UIMC1: variants seen among roughly 807,000 people sequenced by gnomAD.
UIMC1 encodes ubiquitin interaction motif containing 1, also known as BRCA1-A complex subunit RAP80.
A neutral mutation model predicts 84.9 loss-of-function variants in UIMC1; 42 were observed. The ratio of observed to expected loss-of-function variants is 0.49; its 90% CI spans 0.39 to 0.64. The LOEUF (loss-of-function observed/expected upper bound fraction) is 0.64. Ranked by LOEUF, UIMC1 falls within the 30% of genes least tolerant of loss-of-function variation. The probability of loss-of-function intolerance (pLI) is 0.00; values close to 1 mark genes in which losing one functional copy is unlikely to be tolerated. For missense variants in UIMC1, 825 were observed against 847.6 expected (o/e 0.97, Z 0.33); for synonymous variants, 281 against 293.0 (o/e 0.96, Z 0.42).
intron 2 of UIMC1, chr5:176,980,424 A>G (rs1048345684): frequency 2.6e-5 from 4 of 152,184 alleles, no homozygotes; most frequent in African/African-American, 9.7e-5. Context: ...AAAGCAAAAC[A>G]GTTTCCACAG....
At chr5:176,991,572 G>A (rs1772833737) in intron 1 of UIMC1, among the ~76,000 whole-genome samples, 1 of 145,078 alleles carries the variant, frequency 6.9e-6, no homozygotes, top group African/African-American at 2.6e-5. Context: ...TACAAAATTA[G>A]CCAGGCATGG....
At chr5:176,976,405 T>C (rs1770079400) in intron 2 of UIMC1, among the ~76,000 whole-genome samples, 1 of 152,110 alleles carries the variant, frequency 6.6e-6, no homozygotes, top group South Asian at 2.1e-4. Flanking sequence ...AAGAAGTACA[T>C]GAAAAGATGC....
At chr5:176,930,608 A>G (rs1340758237) in intron 10 of UIMC1, among the ~76,000 whole-genome samples, 2 of 152,274 alleles carry the variant, frequency 1.3e-5, no homozygotes, top group Non-Finnish European at 2.9e-5. Context: ...AATGTTAAGC[A>G]TGGCTTATAA....
At chr5:176,970,115 A>T (rs1481940043) in intron 4 of UIMC1, 1 of 174,294 alleles carries the variant, frequency 5.7e-6, no homozygotes, top group Non-Finnish European at 1.2e-5. Context: ...TACTGAAAAT[A>T]CAAAAAATTA....
At chr5:176,957,979 A>T in intron 7 of UIMC1, 114 bp downstream of exon 7, 1 of 887,802 alleles carries the variant, frequency 1.1e-6, no homozygotes, top group Admixed American at 2.6e-5. Flanking sequence ...TTCACTTATA[A>T]AAGAGCTAAA....
chr5:176,974,913 G>A (rs989356568), intron 3 of UIMC1, among the ~76,000 whole-genome samples: 4 of 152,116 alleles, frequency 2.6e-5, no homozygotes, highest in African/African-American at 9.7e-5. Context: ...CCCAACACTG[G>A]GAGGCCCAAG....
chr5:176,911,330 T>C lies in UIMC1; in HGVS notation c.1657A>G (p.Thr553Ala). The change falls in exon 11 of 15, where the codon ACT becomes GCT. Residue 553 changes from threonine (T) to alanine (A), a missense_variant. By Grantham distance (58) the Thr-to-Ala change is moderately conservative. Coordinates refer to ENST00000511320, the MANE Select transcript of UIMC1 (RefSeq NM_001199298.2). ...TKSDSGTAAQTSLDIDKNEKC... is the reference protein window; with the variant it reads ...TKSDSGTAAQASLDIDKNEKC... ...ACTTACTTGTCAATGTCTAGAGAAG[T>C]CTGGGCAGCTGTCCCACTGTCACTC... 6.3e-7 allele frequency: 1 copy of C among 1,599,508 alleles called. No homozygotes were observed. Among genetic ancestry groups the C allele is most frequent in the South Asian group, 1.1e-5 (1 of 88,262 alleles).
chr5:176,999,982 G>A (rs1451422582), intron 1 of UIMC1, among the ~76,000 whole-genome samples: 1 of 151,972 alleles, frequency 6.6e-6, no homozygotes, highest in Non-Finnish European at 1.5e-5. Context: ...TTTTTGGGAT[G>A]GAGTCTCGCT....
chr5:176,972,528 G>C (rs559677460), intron 3 of UIMC1, among the ~76,000 whole-genome samples: 1 of 152,142 alleles, frequency 6.6e-6, no homozygotes, highest in Non-Finnish European at 1.5e-5. Flanking sequence ...CTGAGGTCAG[G>C]AGTTTGAGAC....
intron 9 of UIMC1, among the ~76,000 whole-genome samples, chr5:176,950,915 A>G (rs1467604475): frequency 6.6e-6 from 1 of 152,086 alleles, no homozygotes; most frequent in Non-Finnish European, 1.5e-5. Context: ...CGAGAATCTT[A>G]ATCAGAAGTA....
chr5:176,905,714 A>G (rs1406293616), intron 14 of UIMC1: 2 of 641,454 alleles, frequency 3.1e-6, no homozygotes. Flanking sequence ...ACTGAGATCC[A>G]AATTCCCAAG....
chr5:176,999,296 G>T (rs553206029), intron 1 of UIMC1, among the ~76,000 whole-genome samples: 41 of 152,150 alleles, frequency 2.7e-4, no homozygotes, highest in Admixed American at 2.1e-3. Context: ...TGGGTACATA[G>T]GTGCATATAT....
chr5:176,952,959 A>G (rs1205537622), intron 8 of UIMC1, among the ~76,000 whole-genome samples: 3 of 152,240 alleles, frequency 2.0e-5, no homozygotes, highest in Non-Finnish European at 2.9e-5. Flanking sequence ...GTATGTTGAA[A>G]TCCCAACCCC....
intron 10 of UIMC1, among the ~76,000 whole-genome samples, chr5:176,913,775 G>A (rs924325506): frequency 3.3e-5 from 5 of 152,326 alleles, no homozygotes; most frequent in East Asian, 1.9e-4. Flanking sequence ...CCAGGAGTTC[G>A]AGAACAGCCT....
At position 176,974,820 on chromosome 5, in the gene UIMC1, A is replaced by T. The variant is rs187652965; in HGVS notation, c.232+576T>A. 2.7e-3 allele frequency among the ~76,000 whole-genome samples: 410 copies of T among 152,206 alleles called. 1 individual carries two copies. Among genetic ancestry groups the T allele is most frequent in the African/African-American group, 9.5e-3 (396 of 41,504 alleles). ...GAGCACGATGCTCCGTCTCAAAAAA[A>T]AAAATAAAAAGGAATCATAAAAACA... On this transcript the variant is annotated intron_variant, in intron 3 of 14. Transcript: ENST00000511320.
intron 10 of UIMC1, among the ~76,000 whole-genome samples, chr5:176,929,993 A>C (rs1581419554): frequency 6.6e-6 from 1 of 152,238 alleles, no homozygotes; most frequent in Non-Finnish European, 1.5e-5. Flanking sequence ...TTCACTAGTA[A>C]ATGTTTACCA....
At position 176,969,839 on chromosome 5, in the gene UIMC1, A is replaced by C. The variant is rs193036357; in HGVS notation, c.358-133T>G. ...TTCTAAAATGTAAATGGCTCAATTT[A>C]ATTTCACAGCATATGCTGAATGTCT... is the stretch of plus-strand genomic sequence containing the variant. On this transcript the variant is annotated intron_variant, in intron 4 of 14. Transcript: ENST00000511320. The C allele has an allele frequency of 3.9e-5, 28 of 709,850 alleles. No individual in the cohort carries two copies. In the Admixed American group the frequency reaches 6.6e-4, roughly 17 times the overall value. The allele number at this position is 709,850 out of a possible 1,614,324, so 44.0% of individuals were successfully genotyped here.
chr5:176,981,505 A>ATATGTC (rs1362796668), intron 2 of UIMC1, among the ~76,000 whole-genome samples: 3 of 152,128 alleles, frequency 2.0e-5, no homozygotes, highest in Non-Finnish European at 4.4e-5. Context: ...CTAACCAAAA[A>ATATGTC]TATGTCATTT....
intron 1 of UIMC1, among the ~76,000 whole-genome samples, chr5:176,985,798 G>A (rs1771899378): frequency 1.3e-5 from 2 of 152,058 alleles, no homozygotes; most frequent in Admixed American, 6.6e-5. Context: ...TTCCTTATAA[G>A]ATAGGATCTC....
Sources: gnomAD v4.1 joint callset for allele counts (sites outside exome capture counted in the v4.1 genomes callset) on GRCh38, gnomAD v4.1.1 for gene constraint, MANE v1.5 for transcripts, NCBI Gene and HGNC (gene_info 2026-07-23, HGNC 2026-07-21) for gene names.